CLYBL: variants seen among roughly 807,000 people sequenced by gnomAD.
CLYBL encodes citramalyl-CoA lyase.
CLYBL carries 31 observed loss-of-function variants against 38.9 expected under a neutral mutation model. The ratio of observed to expected loss-of-function variants is 0.80; its 90% CI spans 0.60 to 1.08. The LOEUF is 1.08. Among genes scored for constraint, CLYBL ranks in the 50% least tolerant of loss-of-function variants. The probability of loss-of-function intolerance (pLI) is 0.00; values close to 1 mark genes in which losing one functional copy is unlikely to be tolerated. For synonymous variants in CLYBL, 171 were observed against 158.6 expected, an observed-to-expected ratio of 1.08 and a Z score of -0.59; for missense variants, 434 against 411.6, an observed-to-expected ratio of 1.05 and a Z score of -0.47.
At chr13:99,710,090 A>G (rs1352789395) in intron 1 of CLYBL, among the ~76,000 whole-genome samples, 1 of 151,674 alleles carries the variant, frequency 6.6e-6, no homozygotes, top group Non-Finnish European at 1.5e-5. Context: ...AAGCCCGGCT[A>G]ATTTTTTGTA....
intron 2 of CLYBL, among the ~76,000 whole-genome samples, chr13:99,824,257 G>GCACCCCCCCCCCCCCCCC (rs66867477): frequency 7.7e-6 from 1 of 130,414 alleles, no homozygotes; most frequent in African/African-American, 2.9e-5. Flanking sequence ...CTGACTAATA[G>GCACCCCCCCCCCCCCCCC]CCCCCCCCAC....
At chr13:99,725,099 T>C (rs1163085151) in intron 1 of CLYBL, among the ~76,000 whole-genome samples, 1 of 152,244 alleles carries the variant, frequency 6.6e-6, no homozygotes, top group African/African-American at 2.4e-5. Flanking sequence ...TACTTGGCTA[T>C]GGGGAAGAGG....
rs777292689 is a variant in CLYBL, at chr13:99,686,846, G to A, written c.62+80089G>A. Among the ~76,000 whole-genome samples the A allele has an allele frequency of 2.6e-5, 4 of 152,320 alleles. No homozygotes were observed. In the South Asian group the frequency reaches 8.3e-4, roughly 32 times the overall value. On this transcript the variant is annotated intron_variant, in intron 1 of 8. Coordinates refer to ENST00000339105, the MANE Select transcript of CLYBL (RefSeq NM_206808.5). Reference sequence around the variant, plus strand: ...GTGTCTCAGCCGGGGTCAGAATTAGGAACTGTCTAAACAGGGAATTTCAGA... The same window carrying A: ...GTGTCTCAGCCGGGGTCAGAATTAGAAACTGTCTAAACAGGGAATTTCAGA...
chr13:99,866,601 C>A (rs1307906781), intron 6 of CLYBL, among the ~76,000 whole-genome samples, 194 bp downstream of exon 6: 1 of 151,284 alleles, frequency 6.6e-6, no homozygotes, highest in African/African-American at 2.4e-5. Flanking sequence ...TGCAAGTCAA[C>A]AAATCACTCA....
intron 7 of CLYBL, among the ~76,000 whole-genome samples, chr13:99,886,293 G>A (rs965804209): frequency 6.6e-6 from 1 of 152,202 alleles, no homozygotes; most frequent in Non-Finnish European, 1.5e-5. Flanking sequence ...AAAAAGTCAA[G>A]TACTAAGTAC....
At chr13:99,833,081 G>T (rs1364993399) in intron 2 of CLYBL, among the ~76,000 whole-genome samples, 13 of 79,914 alleles carry the variant, frequency 1.6e-4, no homozygotes, top group East Asian at 1.2e-3. Context: ...CGCTCTTTTT[G>T]CCCAGGCTGG....
At chr13:99,650,038 C>T (rs1382904733) in intron 1 of CLYBL, among the ~76,000 whole-genome samples, 8 of 151,878 alleles carry the variant, frequency 5.3e-5, no homozygotes, top group Admixed American at 1.3e-4. Context: ...CCGAGGCGGG[C>T]GGATCACGAG....
chr13:99,760,120 A>G (rs573797959), intron 1 of CLYBL, among the ~76,000 whole-genome samples: 20 of 152,192 alleles, frequency 1.3e-4, no homozygotes, highest in Non-Finnish European at 2.6e-4. Context: ...ACAATTGTTC[A>G]TAGTACTGTC....
intron 1 of CLYBL, among the ~76,000 whole-genome samples, chr13:99,668,550 C>T (rs1471157553): frequency 3.4e-5 from 5 of 144,972 alleles, no homozygotes; most frequent in Non-Finnish European, 7.5e-5. Flanking sequence ...TATGCCACTG[C>T]ACTCCAGCCT....
chr13:99,742,159 G>A (rs918445061), intron 1 of CLYBL, among the ~76,000 whole-genome samples: 1 of 152,156 alleles, frequency 6.6e-6, no homozygotes, highest in African/African-American at 2.4e-5. Flanking sequence ...TACTGAAGCC[G>A]CTATGGAGCA....
At chr13:99,656,173 C>A (rs945080987) in intron 1 of CLYBL, among the ~76,000 whole-genome samples, 2 of 151,938 alleles carry the variant, frequency 1.3e-5, no homozygotes, top group Non-Finnish European at 2.9e-5. Flanking sequence ...GTACAGTAAT[C>A]GGATAGAAGG....
downstream of CLYBL, chr13:99,895,142 TCA>T (rs2052558464): frequency 6.6e-6 from 1 of 152,228 alleles, no homozygotes; most frequent in African/African-American, 2.4e-5. Context: ...TTATTATCAT[TCA>T]CACTTTTGCA....
chr13:99,894,443 T>C (rs1429100980), downstream of CLYBL: 2 of 152,240 alleles, frequency 1.3e-5, no homozygotes, highest in Non-Finnish European at 2.9e-5. Context: ...ACCCCCGTTA[T>C]TAATTCTTGG....
intron 1 of CLYBL, among the ~76,000 whole-genome samples, chr13:99,645,010 C>T (rs181098311): frequency 8.5e-4 from 129 of 152,246 alleles, no homozygotes; most frequent in Non-Finnish European, 1.6e-3. Flanking sequence ...AATACACTGC[C>T]TTCCTTTCTT....
At chr13:99,686,473 G>A (rs113802722) in intron 1 of CLYBL, among the ~76,000 whole-genome samples, 4 of 151,798 alleles carry the variant, frequency 2.6e-5, no homozygotes, top group African/African-American at 7.3e-5. Context: ...CACTCTCGAG[G>A]CCAGGAGCTG....
chr13:99,688,135 A>G (rs2047844961), intron 1 of CLYBL, among the ~76,000 whole-genome samples: 1 of 152,186 alleles, frequency 6.6e-6, no homozygotes, highest in Admixed American at 6.5e-5. Flanking sequence ...AATTTTTCCC[A>G]GGAAAAATTT....
intron 2 of CLYBL, among the ~76,000 whole-genome samples, chr13:99,827,810 G>A (rs9805698): frequency 0.029 from 4,427 of 152,352 alleles, 220 homozygotes; most frequent in African/African-American, 0.1. Flanking sequence ...GGTATGGTTC[G>A]GGAGGGTTCA....
Position 99,657,691 on chromosome 13 carries a change from CT to C in CLYBL, c.62+50935del, listed in dbSNP as rs571536573. The stretch of plus-strand genomic sequence containing the variant: ...TAAAGTTCTAACTTTATCCTTGATT[CT>C]GAATTTTTTTTCTTTTTTGGAAATA... On this transcript the variant is annotated intron_variant, in intron 1 of 8. Coordinates refer to ENST00000339105, the MANE Select transcript of CLYBL (RefSeq NM_206808.5). Among the ~76,000 whole-genome samples, 782 of 152,144 alleles carry C rather than the reference CT, an allele frequency of 5.1e-3. 2 individuals are homozygous for C. The highest frequency in any genetic ancestry group is 9.6e-3 in the Non-Finnish European group (653 of 67,998).
chr13:99,785,656 G>A (rs1374939802), intron 2 of CLYBL, among the ~76,000 whole-genome samples: 1 of 151,626 alleles, frequency 6.6e-6, no homozygotes, highest in East Asian at 1.9e-4. Flanking sequence ...GAGTGCAGTG[G>A]CACAATCTCT....
Sources: allele counts gnomAD v4.1 joint callset (sites outside exome capture counted in the v4.1 genomes callset), GRCh38; gene constraint gnomAD v4.1.1; transcripts MANE v1.5; gene names NCBI Gene and HGNC (gene_info 2026-07-23, HGNC 2026-07-21).